Variants in STPG2 observed in about 807,000 individuals in gnomAD.
STPG2 encodes the protein sperm-tail PG-rich repeat-containing protein 2.
STPG2 carries 56 observed loss-of-function variants against 54.2 expected under a neutral mutation model. The observed-to-expected ratio is 1.03, with a 90% CI of 0.83 to 1.29. STPG2 has a LOEUF of 1.29. Among genes scored for constraint, STPG2 ranks in the 50% most tolerant of loss-of-function variants. STPG2 has a pLI of 0.00. For synonymous variants in STPG2, 200 were observed against 181.8 expected, an observed-to-expected ratio of 1.10 and a Z score of -0.81; for missense variants, 596 against 544.9, an observed-to-expected ratio of 1.09 and a Z score of -0.93.
intron 4 of STPG2, among the ~76,000 whole-genome samples, chr4:97,525,382 C>G (rs887405957): frequency 1.3e-5 from 2 of 151,824 alleles, no homozygotes; most frequent in South Asian, 2.1e-4. Context: ...CTACATACTT[C>G]GTTGAACAAC....
chr4:97,697,923 G>A (rs1038114871), intron 10 of STPG2, among the ~76,000 whole-genome samples: 4 of 152,160 alleles, frequency 2.6e-5, no homozygotes, highest in Non-Finnish European at 5.9e-5. Flanking sequence ...AATGCTTTTA[G>A]TTAATCTATA....
chr4:97,964,438 AAC>A (rs1734013271), intron 7 of STPG2, among the ~76,000 whole-genome samples: 1 of 152,190 alleles, frequency 6.6e-6, no homozygotes, highest in Admixed American at 6.5e-5. Context: ...AGAAACACAA[AAC>A]ACACAGAGAA....
intron 9 of STPG2, among the ~76,000 whole-genome samples, chr4:97,787,751 G>T (rs931178865): frequency 6.6e-6 from 1 of 151,636 alleles, no homozygotes; most frequent in Admixed American, 6.6e-5. Flanking sequence ...TTTTAATGAA[G>T]AATTCAATTT....
At chr4:98,058,318 C>A (rs1414467431) in intron 5 of STPG2, among the ~76,000 whole-genome samples, 1 of 152,184 alleles carries the variant, frequency 6.6e-6, no homozygotes, top group East Asian at 1.9e-4. Flanking sequence ...AGAGACTCAT[C>A]TCACACACAG....
At chr4:97,539,388 G>A (rs565618811) in intron 4 of STPG2, among the ~76,000 whole-genome samples, 42 of 152,074 alleles carry the variant, frequency 2.8e-4, no homozygotes, top group African/African-American at 1.0e-3. Flanking sequence ...GCAGGGGTTG[G>A]AATCCTAGTC....
intron 5 of STPG2, among the ~76,000 whole-genome samples, chr4:97,998,328 A>G (rs1735308246): frequency 6.6e-6 from 1 of 152,214 alleles, no homozygotes; most frequent in Admixed American, 6.5e-5. Flanking sequence ...CTACCTAGAC[A>G]AAAAATGAGG....
intron 9 of STPG2, among the ~76,000 whole-genome samples, chr4:97,790,644 G>C (rs979360262): frequency 6.6e-6 from 1 of 151,906 alleles, no homozygotes; most frequent in African/African-American, 2.4e-5. Flanking sequence ...CTCCCTCCTC[G>C]AGGCCATCAA....
intron 5 of STPG2, among the ~76,000 whole-genome samples, chr4:97,998,093 G>A (rs1366443874): frequency 6.6e-6 from 1 of 152,082 alleles, no homozygotes; most frequent in Non-Finnish European, 1.5e-5. Flanking sequence ...ATAATAATTA[G>A]AACAATAATG....
intron 10 of STPG2, among the ~76,000 whole-genome samples, chr4:97,658,165 G>T (rs1578459281): frequency 6.6e-6 from 1 of 152,274 alleles, no homozygotes; most frequent in East Asian, 1.9e-4. Context: ...AAGTGATAAA[G>T]AAACTGAAGA....
At chr4:97,934,158 G>A (rs1422329882) in intron 8 of STPG2, among the ~76,000 whole-genome samples, 2 of 151,988 alleles carry the variant, frequency 1.3e-5, no homozygotes, top group South Asian at 4.1e-4. Context: ...ATTTGGCTCT[G>A]TGCTTGTCTA....
intron 10 of STPG2, among the ~76,000 whole-genome samples, chr4:97,583,188 C>A (rs933001742): frequency 6.6e-6 from 1 of 151,922 alleles, no homozygotes; most frequent in Non-Finnish European, 1.5e-5. Flanking sequence ...AGATAAGTGT[C>A]CAGAACACTA....
At chr4:97,599,594 C>A (rs185650730) in intron 10 of STPG2, among the ~76,000 whole-genome samples, 2 of 151,872 alleles carry the variant, frequency 1.3e-5, no homozygotes, top group Non-Finnish European at 1.5e-5. Context: ...GAGGCCGAGG[C>A]GGGCAGATCA....
intron 9 of STPG2, among the ~76,000 whole-genome samples, chr4:97,752,095 C>A (rs982521219): frequency 6.6e-6 from 1 of 151,664 alleles, no homozygotes; most frequent in Admixed American, 6.6e-5. Flanking sequence ...TTATACAAAA[C>A]CCTTATGATT....
chr4:97,858,752 G>T (rs372196780), intron 8 of STPG2, among the ~76,000 whole-genome samples: 1 of 152,136 alleles, frequency 6.6e-6, no homozygotes, highest in Non-Finnish European at 1.5e-5. Flanking sequence ...TTGCTGAGTA[G>T]TATTCCATGG....
chr4:97,524,956 C>T (rs1469209533), intron 4 of STPG2, among the ~76,000 whole-genome samples: 3 of 151,822 alleles, frequency 2.0e-5, no homozygotes, highest in African/African-American at 7.3e-5. Flanking sequence ...TAATATAGGA[C>T]CTGAACATTA....
intron 9 of STPG2, among the ~76,000 whole-genome samples, chr4:97,810,165 T>C (rs1173873631): frequency 6.6e-6 from 1 of 152,056 alleles, no homozygotes; most frequent in Non-Finnish European, 1.5e-5. Flanking sequence ...TAAATCCTAA[T>C]ACCTAAAGAA....
At chr4:97,930,353 A>G (rs2149217983) in intron 8 of STPG2, among the ~76,000 whole-genome samples, 1 of 152,322 alleles carries the variant, frequency 6.6e-6, no homozygotes, top group East Asian at 1.9e-4. Flanking sequence ...TGTTTTCTGT[A>G]TATGGTATAA....
chr4:97,638,323 C>T (rs1290641742), intron 10 of STPG2, among the ~76,000 whole-genome samples: 8 of 152,036 alleles, frequency 5.3e-5, no homozygotes, highest in Non-Finnish European at 2.9e-5. Context: ...CCCTTCCTTA[C>T]ACCTTATACA....
At chr4:97,929,319 T>C (rs935040575) in intron 8 of STPG2, among the ~76,000 whole-genome samples, 1 of 152,220 alleles carries the variant, frequency 6.6e-6, no homozygotes, top group Non-Finnish European at 1.5e-5. Context: ...CTATTGTCAA[T>C]AGTACTGCAA....
Sources: gnomAD v4.1 joint callset for allele counts (sites outside exome capture counted in the v4.1 genomes callset) on GRCh38, gnomAD v4.1.1 for gene constraint, MANE v1.5 for transcripts, NCBI Gene and HGNC (gene_info 2026-07-23, HGNC 2026-07-21) for gene names.